CHTF18: variants seen among roughly 807,000 people sequenced by gnomAD.
The protein encoded by CHTF18 is chromosome transmission fidelity factor 18.
CHTF18 carries 151 observed loss-of-function variants against 113.4 expected under a neutral mutation model. The observed-to-expected ratio is 1.33, with a 90% CI of 1.17 to 1.52. The LOEUF (loss-of-function observed/expected upper bound fraction) is 1.52. CHTF18 is among the 40% of genes most tolerant of loss of function. The pLI is 0.00. For missense variants in CHTF18, 1,982 were observed against 1,381.6 expected, an observed-to-expected ratio of 1.43 and a Z score of -6.89; for synonymous variants, 916 against 598.8, an observed-to-expected ratio of 1.53 and a Z score of -7.74.
rs888991908 is a variant in CHTF18 at position 789,961 on chromosome 16, C to T, written c.607-216C>T. The T allele has an allele frequency of 3.7e-5, 57 of 1,533,562 alleles. No individual in the cohort carries two copies. In the African/African-American group the frequency reaches 4.4e-4, roughly 12 times the overall value. The allele number at this position is 1,533,562 out of a possible 1,614,324, so 95.0% of individuals were successfully genotyped here. A position where few individuals can be genotyped will look rare whatever the true frequency, so the allele number is the denominator to read the frequency against. Reference sequence around the variant, plus strand: ...CTCCTTGCTTCCCCTCCTGCTTTTGCCCTTTCCTCCTTTCTCCTAAAGCTG... The same window carrying T: ...CTCCTTGCTTCCCCTCCTGCTTTTGTCCTTTCCTCCTTTCTCCTAAAGCTG... On this transcript the variant is annotated intron_variant, in intron 4 of 21. Transcript: ENST00000262315.
In CHTF18 at chr16:789,052, G is replaced by A. The variant is rs774755104; in HGVS notation, c.213G>A (p.Val71=). The change falls in exon 2 of 22, where the codon GTG becomes GTA. Residue 71 remains valine, a synonymous_variant. Transcript: ENST00000262315. ...CCAGTCCCGCCCCAGCCGCATCTGT[G>A]GGCAGCAGCCAGGGCGGCGCCAGGA... is the stretch of plus-strand genomic sequence containing the variant. ...AASSPAPAAS[V]GSSQGGARKR... 9 of 1,539,314 alleles carry A rather than the reference G, an allele frequency of 5.8e-6. No individual in the cohort carries two copies. In the East Asian group the frequency reaches 2.2e-4, roughly 38 times the overall value.
chr16:791,138 T>A, intron 7 of CHTF18, 23 bp from the exon 8 acceptor site: 1 of 1,597,790 alleles, frequency 6.3e-7, no homozygotes, highest in Non-Finnish European at 8.5e-7. Context: ...CAGGCTGTGC[T>A]TCCCTTCCCG....
At chr16:793,364 G>T in intron 14 of CHTF18, 90 bp downstream of exon 14, 1 of 1,485,478 alleles carries the variant, frequency 6.7e-7, no homozygotes, top group Admixed American at 2.1e-5. Flanking sequence ...CTACCTTCGA[G>T]GCGGGGACTC....
In CHTF18 at chr16:794,139, C is replaced by G; in HGVS notation, c.1888C>G (p.Gln630Glu). 6.2e-7 allele frequency: 1 copy of G among 1,612,536 alleles called. No homozygotes were observed. The highest frequency in any genetic ancestry group is 1.3e-5 in the African/African-American group (1 of 75,054). Residue 630 changes from glutamine (Q) to glutamate (E), a missense_variant, in exon 15 of 22, where the codon CAG (glutamine) becomes GAG (glutamate). Coordinates refer to ENST00000262315, the MANE Select transcript of CHTF18 (RefSeq NM_022092.3). The stretch of plus-strand genomic sequence containing the variant: ...CGCGGGCTCCCTCACCTCCGCCTCA[C>G]AGCGATTCTACCGTGTCCTGCATGC... ...GDAGSLTSASQRFYRVLHAAA... is the reference protein window; with the variant it reads ...GDAGSLTSASERFYRVLHAAA...
chr16:797,094 T>C lies in CHTF18; in HGVS notation c.2733+2T>C, dbSNP rs918383858. ...AGGCGAGCGGCCCGGGAGGAACAGG[T>C]GTGGAATGGGCAGCTGTGGGGGTGG... On this transcript the variant is annotated splice_donor_variant, in intron 20 of 21. Coordinates refer to ENST00000262315, the MANE Select transcript of CHTF18 (RefSeq NM_022092.3). LOFTEE classifies it high-confidence loss of function. 1.5e-5 allele frequency: 23 copies of C among 1,510,326 alleles called. No individual in the cohort carries two copies. The highest frequency in any genetic ancestry group is 1.4e-5 in the African/African-American group (1 of 71,332). 93.6% of individuals were successfully genotyped at this position (1,510,326 alleles called of 1,614,324 possible).
At position 796,820 on chromosome 16, in the gene CHTF18, C is replaced by T. The variant is rs573310688; in HGVS notation, c.2560C>T (p.Arg854Trp). Reference protein sequence around the residue: ...IAREIEVEKMRRAEASARVEN... With the variant: ...IAREIEVEKMWRAEASARVEN... ...CCGCGAGATCGAGGTGGAGAAGATG[C>T]GGCGGGCGGAGGCTTCTGCCCGGGT... Residue 854 changes from arginine (R) to tryptophan (W), a missense_variant, in exon 19 of 22, where the codon CGG becomes TGG. By Grantham distance (101) the Arg-to-Trp change is moderately radical. Transcript: ENST00000262315. 57 of 1,607,128 alleles carry T rather than the reference C, an allele frequency of 3.5e-5. No homozygotes were observed. The highest frequency in any genetic ancestry group is 8.8e-5 in the South Asian group (8 of 90,936).
intron 1 of CHTF18, 26 bp from the exon 2 acceptor site, chr16:788,905 C>T (rs1329927351): frequency 4.6e-6 from 7 of 1,512,126 alleles, no homozygotes; most frequent in Admixed American, 2.1e-5. Context: ...CTCGGGGCGG[C>T]CGCTGACAAT....
rs372263620 is a variant in CHTF18 at position 795,767 on chromosome 16, C to T, written c.2258C>T (p.Thr753Met). The T allele has an allele frequency of 1.4e-4, 221 of 1,609,074 alleles. 1 individual carries two copies. In the East Asian group the frequency reaches 2.7e-3, roughly 20 times the overall value. ...GIAPATRSRATPQALLLDALC... is the reference protein window; with the variant it reads ...GIAPATRSRAMPQALLLDALC... ...GCGCCAGCCACGCGCAGCCGGGCCA[C>T]GCCCCAGGCCCTGCTCCTCGATGCC... Residue 753 changes from threonine to methionine, a missense_variant, in exon 17 of 22, where the codon ACG becomes ATG. Thr to Met is a moderately conservative substitution (Grantham distance 81, BLOSUM62 -1). Transcript: ENST00000262315.
At position 795,161 on chromosome 16, in the gene CHTF18, G is replaced by C; in HGVS notation, c.1980G>C (p.Arg660=). ...QGLFDNFLRL[R]LRDSSLGAVC... ...TGTTTGACAACTTCCTGCGTCTGCGGCTGCGAGACTCCAGCCTGGGTGCTG... is the reference window on the plus strand; with the variant it reads ...TGTTTGACAACTTCCTGCGTCTGCGCCTGCGAGACTCCAGCCTGGGTGCTG... The change falls in exon 16 of 22, where the codon CGG becomes CGC. Residue 660 remains arginine, a synonymous_variant. Transcript: ENST00000262315. 3.9e-6 allele frequency: 6 copies of C among 1,554,692 alleles called. No homozygotes were observed. The highest frequency in any genetic ancestry group is 3.5e-6 in the Non-Finnish European group (4 of 1,149,600).
intron 4 of CHTF18, 65 bp from the exon 5 acceptor site, chr16:790,112 G>A: frequency 1.3e-6 from 2 of 1,543,578 alleles, no homozygotes; most frequent in Non-Finnish European, 1.7e-6. Flanking sequence ...GAGCACTGAT[G>A]GGGGCTGACG....
Position 792,547 on chromosome 16 carries a change from G to C in CHTF18, c.1435G>C (p.Gly479Arg), listed in dbSNP as rs781707691. Residue 479 changes from glycine to arginine, a missense_variant, in exon 11 of 22, where the codon GGG becomes CGG. By Grantham distance (125) the Gly-to-Arg change is moderately radical. Coordinates refer to ENST00000262315, the MANE Select transcript of CHTF18 (RefSeq NM_022092.3). ...SGGGRRRRAE[G>R]GLLMRPIICI... ...AGGCGGCCGACGGCGCCGGGCAGAG[G>C]GGGGGCTCCTCATGAGGCCCATTAT... 77 of 1,596,732 alleles carry C rather than the reference G, an allele frequency of 4.8e-5. No homozygotes were observed. In the East Asian group the frequency reaches 5.1e-4, roughly 11 times the overall value.
chr16:796,963 G>C lies in CHTF18; in HGVS notation c.2604G>C (p.Val868=). Residue 868 remains valine, a splice_region_variant and synonymous_variant, in exon 20 of 22, where the codon GTG becomes GTC. Transcript: ENST00000262315. ...ASARVENSPQ[V]DGSPPGLEGL... The stretch of plus-strand genomic sequence containing the variant: ...CTCACAATGCCTGCTCCCTACAGGT[G>C]GATGGGAGCCCCCCAGGGCTCGAGG... 6.5e-7 allele frequency: 1 copy of C among 1,527,676 alleles called. No homozygotes were observed. The allele number at this position is 1,527,676 out of a possible 1,614,324, so 94.6% of individuals were successfully genotyped here.
intron 7 of CHTF18, 178 bp downstream of exon 7, chr16:790,844 C>T (rs999383032): frequency 3.5e-6 from 5 of 1,431,212 alleles, no homozygotes; most frequent in East Asian, 2.5e-5. Context: ...CTACTGGTCC[C>T]CTGTGACCTG....
chr16:795,694 C>T lies in CHTF18; in HGVS notation c.2185C>T (p.Arg729Trp), dbSNP rs754634478. ...FPSSQQEAQN[R>W]MSQMRNLIQT... ...TCACCCCCTGCCCCAGGCCCAGAAC[C>T]GGATGAGCCAGATGAGGAACCTGAT... Residue 729 changes from arginine (R) to tryptophan (W), a missense_variant, in exon 17 of 22, where the codon CGG becomes TGG. Physicochemically the swap from Arg to Trp is moderately radical, Grantham distance 101 (BLOSUM62 -3). Transcript: ENST00000262315. The T allele has an allele frequency of 9.4e-6, 15 of 1,597,926 alleles. No homozygotes were observed. The highest frequency in any genetic ancestry group is 1.1e-5 in the Non-Finnish European group (13 of 1,175,354).
At chr16:795,446 C>A in intron 16 of CHTF18, 90 bp downstream of exon 16, 1 of 578,704 alleles carries the variant, frequency 1.7e-6, no homozygotes. Flanking sequence ...CGTGCCCGCC[C>A]CCCCAAACAC....
chr16:794,399 C>T (rs1473800092), intron 15 of CHTF18, among the ~76,000 whole-genome samples, 198 bp downstream of exon 15: 1 of 151,968 alleles, frequency 6.6e-6, no homozygotes, highest in South Asian at 2.1e-4. Flanking sequence ...CTGCAGGGCA[C>T]GGGCCGGCAG....
Position 795,993 on chromosome 16 carries a change from G to A in CHTF18, c.2372G>A (p.Ser791Asn). ...ACCCGTGAAAAGCAACAGCTGGCCAGCCTGGTGGGCACGATGCTCGCTTAC... is the reference window on the plus strand; with the variant it reads ...ACCCGTGAAAAGCAACAGCTGGCCAACCTGGTGGGCACGATGCTCGCTTAC... Reference protein sequence around the residue: ...YSTREKQQLASLVGTMLAYSL... With the variant: ...YSTREKQQLANLVGTMLAYSL... The change falls in exon 18 of 22, where the codon AGC becomes AAC. Residue 791 changes from serine (S) to asparagine (N), a missense_variant. Physicochemically the swap from Ser to Asn is conservative, Grantham distance 46. Transcript: ENST00000262315. 9 of 1,608,652 alleles carry A rather than the reference G, an allele frequency of 5.6e-6. No individual in the cohort carries two copies. The highest frequency in any genetic ancestry group is 7.6e-6 in the Non-Finnish European group (9 of 1,178,138).
chr16:792,946 C>A lies in CHTF18; in HGVS notation c.1573-20C>A. 1 of 1,549,558 alleles carries A rather than the reference C, an allele frequency of 6.5e-7. No homozygotes were observed. Among genetic ancestry groups the A allele is most frequent in the Non-Finnish European group, 8.7e-7 (1 of 1,146,390 alleles). ...GGATGGGGCATACCATCGGGCCCTC[C>A]AGCAGCCCTTCTCCACCAGGTCTCC... On this transcript the variant is annotated intron_variant, in intron 12 of 21. Transcript: ENST00000262315.
intron 16 of CHTF18, 32 bp downstream of exon 16, chr16:795,388 GGCCCCGTGCCC>G: frequency 6.7e-7 from 1 of 1,493,522 alleles, no homozygotes. Context: ...GCCTGCCCCC[GGCCCCGTGCCC>G]GCCCCCCTGT....
Sources: gnomAD v4.1 joint callset for allele counts (sites outside exome capture counted in the v4.1 genomes callset) on GRCh38, gnomAD v4.1.1 for gene constraint, MANE v1.5 for transcripts, NCBI Gene and HGNC (gene_info 2026-07-23, HGNC 2026-07-21) for gene names.